The following CSMD1 variants were observed in gnomAD, a reference collection of about 807,000 sequenced individuals.
The protein encoded by CSMD1 is CUB and sushi domain-containing protein 1.
In CSMD1, 213 loss-of-function variants were observed where a neutral mutation model predicts 417.5. That is an observed-to-expected ratio of 0.51 (90% CI 0.46 to 0.57). The LOEUF (loss-of-function observed/expected upper bound fraction) is 0.57, where lower values mean the gene tolerates loss of function less well. CSMD1 is among the 20% of genes least tolerant of loss of function. The pLI is 0.00. For synonymous variants in CSMD1, 2,862 were observed against 1,736.8 expected, an observed-to-expected ratio of 1.65 and a Z score of -16.11; for missense variants, 6,923 against 4,529.7, an observed-to-expected ratio of 1.53 and a Z score of -15.17.
chr8:3,853,628 C>A (rs1303409372), intron 5 of CSMD1, among the ~76,000 whole-genome samples: 1 of 151,768 alleles, frequency 6.6e-6, no homozygotes, highest in Non-Finnish European at 1.5e-5. Flanking sequence ...GACCTTGTGC[C>A]CCTGTGAGCA....
intron 6 of CSMD1, among the ~76,000 whole-genome samples, chr8:3,716,925 T>G (rs1189303702): frequency 2.2e-4 from 33 of 152,324 alleles, no homozygotes; most frequent in Non-Finnish European, 8.8e-5. Context: ...ACATCCTATT[T>G]AATTCCACCA....
At chr8:3,182,157 G>A (rs1006479322) in intron 36 of CSMD1, among the ~76,000 whole-genome samples, 3 of 152,150 alleles carry the variant, frequency 2.0e-5, no homozygotes, top group African/African-American at 7.2e-5. Flanking sequence ...AAAGAAATAA[G>A]TTGATAATTA....
intron 25 of CSMD1, among the ~76,000 whole-genome samples, chr8:3,299,687 G>T (rs995568029): frequency 1.1e-4 from 16 of 152,164 alleles, no homozygotes; most frequent in Non-Finnish European, 2.4e-4. Flanking sequence ...AACCGGAAAT[G>T]CAGGTGGGAG....
intron 54 of CSMD1, among the ~76,000 whole-genome samples, chr8:2,982,899 G>C (rs983013931): frequency 2.6e-5 from 4 of 152,104 alleles, no homozygotes; most frequent in Non-Finnish European, 5.9e-5. Context: ...GTCTCTTATA[G>C]GCAGCTTGGC....
At chr8:4,814,215 T>TGTGC (rs1554490608) in intron 1 of CSMD1, among the ~76,000 whole-genome samples, 2,872 of 151,582 alleles carry the variant, frequency 0.019, 86 homozygotes, top group African/African-American at 0.065. Flanking sequence ...TGTGTGTGTG[T>TGTGC]GTGCGTGTGC....
intron 51 of CSMD1, among the ~76,000 whole-genome samples, chr8:3,019,100 TAG>T (rs1165933235): frequency 6.6e-6 from 1 of 152,184 alleles, no homozygotes; most frequent in Non-Finnish European, 1.5e-5. Flanking sequence ...GTATTTTTAG[TAG>T]AGACAGTGTT....
chr8:3,466,113 T>A (rs780716612), intron 12 of CSMD1, among the ~76,000 whole-genome samples: 2 of 152,208 alleles, frequency 1.3e-5, no homozygotes, highest in Non-Finnish European at 2.9e-5. Flanking sequence ...GAGCTCGCAT[T>A]TCTTAAGTTC....
intron 2 of CSMD1, among the ~76,000 whole-genome samples, chr8:4,529,499 A>G (rs1563259715): frequency 6.6e-6 from 1 of 152,194 alleles, no homozygotes; most frequent in East Asian, 1.9e-4. Flanking sequence ...CTATTATTTA[A>G]TTATGAATAA....
In CSMD1 at chr8:4,818,912, G is replaced by A. The variant is rs17432810; in HGVS notation, c.85+175420C>T. Among the ~76,000 whole-genome samples the A allele has an allele frequency of 7.7e-3, 1,175 of 152,268 alleles. 4 individuals carry two copies. Among genetic ancestry groups the A allele is most frequent in the Non-Finnish European group, 0.013 (897 of 68,016 alleles). On this transcript the variant is annotated intron_variant, in intron 1 of 69. Coordinates refer to ENST00000635120, the MANE Select transcript of CSMD1 (RefSeq NM_033225.6). The stretch of plus-strand genomic sequence containing the variant: ...AGTTCAGTTTAAGTGGTGAGAACAA[G>A]GTTTGGAAATGGGTTTCTGATTCCA...
At chr8:3,882,980 A>G (rs1806305578) in intron 5 of CSMD1, among the ~76,000 whole-genome samples, 1 of 152,170 alleles carries the variant, frequency 6.6e-6, no homozygotes, top group African/African-American at 2.4e-5. Context: ...GTTGACTCTC[A>G]ATAGCTGATA....
intron 3 of CSMD1, among the ~76,000 whole-genome samples, chr8:4,151,925 T>C (rs990150665): frequency 1.3e-5 from 2 of 152,192 alleles, no homozygotes; most frequent in Admixed American, 1.3e-4. Context: ...TCAGCAGAGA[T>C]AAGTTTTGCC....
At chr8:3,407,101 G>A (rs920307703) in intron 14 of CSMD1, among the ~76,000 whole-genome samples, 1 of 152,052 alleles carries the variant, frequency 6.6e-6, no homozygotes, top group Non-Finnish European at 1.5e-5. Context: ...ATGGAGGGAT[G>A]GATGGAAAGA....
At chr8:3,987,857 G>A (rs139942240) in intron 5 of CSMD1, among the ~76,000 whole-genome samples, 1 of 152,258 alleles carries the variant, frequency 6.6e-6, no homozygotes, top group East Asian at 1.9e-4. Flanking sequence ...AAAAAGAAAT[G>A]GTTCAGGGTC....
At chr8:3,864,574 C>T (rs1804952367) in intron 5 of CSMD1, among the ~76,000 whole-genome samples, 1 of 152,136 alleles carries the variant, frequency 6.6e-6, no homozygotes, top group South Asian at 2.1e-4. Flanking sequence ...CCCATTAACT[C>T]GTCATTTAGC....
At chr8:3,694,489 G>T (rs148686803) in intron 7 of CSMD1, among the ~76,000 whole-genome samples, 1 of 152,078 alleles carries the variant, frequency 6.6e-6, no homozygotes, top group Non-Finnish European at 1.5e-5. Context: ...ACACCATCTG[G>T]GAAAGCATGT....
chr8:4,387,212 T>C (rs1272434966), intron 3 of CSMD1, among the ~76,000 whole-genome samples: 1 of 152,204 alleles, frequency 6.6e-6, no homozygotes, highest in African/African-American at 2.4e-5. Flanking sequence ...TCACTCACTT[T>C]GTCTAAACAA....
At chr8:4,910,578 A>G (rs1805595840) in intron 1 of CSMD1, among the ~76,000 whole-genome samples, 1 of 152,130 alleles carries the variant, frequency 6.6e-6, no homozygotes, top group African/African-American at 2.4e-5. Context: ...CATTCATGAA[A>G]GCTCCCTCCT....
intron 5 of CSMD1, among the ~76,000 whole-genome samples, chr8:3,859,246 A>G (rs1450665120): frequency 1.3e-5 from 2 of 152,234 alleles, no homozygotes; most frequent in Non-Finnish European, 2.9e-5. Context: ...AGTGAACGCC[A>G]TTCAATCCCA....
chr8:4,620,391 T>A lies in CSMD1; in HGVS notation c.302+16951A>T, dbSNP rs185082715. Among the ~76,000 whole-genome samples the A allele has an allele frequency of 4.7e-4, 71 of 151,726 alleles. 2 individuals carry two copies. The East Asian group carries it at 0.013, about 27-fold the overall frequency. ...ATTTCCATTTTAAATATAAGGAATT[T>A]GAGTTTGAGAAACTTAAATAATTTG... On this transcript the variant is annotated intron_variant, in intron 2 of 69. Coordinates refer to ENST00000635120, the MANE Select transcript of CSMD1 (RefSeq NM_033225.6).
Sources: allele counts gnomAD v4.1 joint callset (sites outside exome capture counted in the v4.1 genomes callset), GRCh38; gene constraint gnomAD v4.1.1; transcripts MANE v1.5; gene names NCBI Gene and HGNC (gene_info 2026-07-23, HGNC 2026-07-21).